Variants in ADRA1A observed in about 807,000 individuals in gnomAD.
The protein encoded by ADRA1A is adrenoceptor alpha 1A.
A neutral mutation model predicts 29.6 loss-of-function variants in ADRA1A; 31 were observed. The ratio of observed to expected loss-of-function variants is 1.05; its 90% CI spans 0.79 to 1.41. The LOEUF (loss-of-function observed/expected upper bound fraction) is 1.41. Ranked by LOEUF, ADRA1A falls within the 40% of genes most tolerant of loss-of-function variation. The probability of loss-of-function intolerance (pLI) is 0.00; values close to 1 mark genes in which losing one functional copy is unlikely to be tolerated. For synonymous variants in ADRA1A, 311 were observed against 254.3 expected (o/e 1.22, Z -2.12); for missense variants, 619 against 601.1 (o/e 1.03, Z -0.31).
rs369356439 is a variant in ADRA1A at position 26,864,370 on chromosome 8, G to A, written c.600C>T (p.Ile200=). The A allele has an allele frequency of 6.2e-7, 1 of 1,613,992 alleles. No homozygotes were observed. The highest frequency in any genetic ancestry group is 8.5e-7 in the Non-Finnish European group (1 of 1,180,022). Residue 200 remains isoleucine (I), a synonymous_variant, in exon 2 of 3, where the codon ATC becomes ATT. Transcript: ENST00000380573. This position sits in a 1 kb window ranked among gnomAD's most constrained non-coding sequence, Gnocchi z 8.1. ...CGTAGACGCGGCAGTACATGACCAGGATGATGGCCAGAGGCAGGTAGAAGG... is the reference window on the plus strand; with the variant it reads ...CGTAGACGCGGCAGTACATGACCAGAATGATGGCCAGAGGCAGGTAGAAGG... The part of the protein sequence containing the change: ...LGSFYLPLAI[I]LVMYCRVYVV...
At position 26,842,866 on chromosome 8, in the gene ADRA1A, T is replaced by TACACACACACAC. The variant is rs57750998; in HGVS notation, c.883+21209_883+21220dup. On this transcript the variant is annotated intron_variant, in intron 2 of 2. Coordinates refer to ENST00000380573, the MANE Select transcript of ADRA1A (RefSeq NM_000680.4). ...CTCTCTCTCTCCCTCTCTCTCTTTC[T>TACACACACACAC]ACACACACACACACACACACACACA... Among the ~76,000 whole-genome samples, 118 of 142,748 alleles carry TACACACACACAC rather than the reference T, an allele frequency of 8.3e-4. 2 individuals are homozygous for TACACACACACAC. The highest frequency in any genetic ancestry group is 1.1e-3 in the African/African-American group (41 of 37,986). The allele number at this position is 142,748 out of a possible 152,430, so 93.6% of individuals were successfully genotyped here.
intron 2 of ADRA1A, among the ~76,000 whole-genome samples, chr8:26,774,896 T>G (rs1806431831): frequency 6.6e-6 from 1 of 152,222 alleles, no homozygotes; most frequent in South Asian, 2.1e-4. Flanking sequence ...AGTTCTATCC[T>G]CAGCCTCCAT....
At chr8:26,766,159 C>T, downstream of ADRA1A, 1 of 1,557,408 alleles carries the variant, frequency 6.4e-7, no homozygotes. Flanking sequence ...TCTGTCCAAA[C>T]AAAAAAAAAG....
rs1184705232 is a variant in ADRA1A at position 26,770,039 on chromosome 8, G to T, written c.*110C>A. The T allele has an allele frequency of 3.4e-6, 5 of 1,481,276 alleles. No homozygotes were observed. The highest frequency in any genetic ancestry group is 2.8e-5 in the African/African-American group (2 of 71,324). 91.8% of individuals were successfully genotyped at this position (1,481,276 alleles called of 1,614,324 possible). A position where few individuals can be genotyped will look rare whatever the true frequency, so the allele number is the denominator to read the frequency against. ...CTACCACCCACCCCATTCCCAGCAG[G>T]TCCCCTCTTTGATTGGTCCTGTCTT... is the stretch of plus-strand genomic sequence containing the variant. On this transcript the variant is annotated 3_prime_UTR_variant, in exon 3 of 3. Transcript: ENST00000380573.
exon 3 of ADRA1A, chr8:26,748,487 TC>T: frequency 3.9e-6 from 1 of 259,046 alleles, no homozygotes; most frequent in Admixed American, 5.1e-5. Context: ...ACGCCTGTAA[TC>T]CCAGCACTTT....
exon 3 of ADRA1A, chr8:26,748,173 T>C (rs957308010): frequency 6.6e-6 from 1 of 152,224 alleles, no homozygotes; most frequent in African/African-American, 2.4e-5. Context: ...GGGCTGGGTG[T>C]CTATGGGAAG....
chr8:26,799,207 G>T (rs559511555), intron 2 of ADRA1A, among the ~76,000 whole-genome samples: 19 of 152,296 alleles, frequency 1.2e-4, no homozygotes, highest in African/African-American at 3.8e-4. Flanking sequence ...TGAAGTCCTT[G>T]TTTTTAAGCA....
chr8:26,853,068 A>G (rs1425286622), intron 2 of ADRA1A, among the ~76,000 whole-genome samples: 1 of 152,214 alleles, frequency 6.6e-6, no homozygotes, highest in Non-Finnish European at 1.5e-5. Context: ...GGATATCAAT[A>G]AAGCAAATGT....
chr8:26,791,312 T>C (rs1807815308), intron 2 of ADRA1A, among the ~76,000 whole-genome samples: 1 of 152,194 alleles, frequency 6.6e-6, no homozygotes, highest in Non-Finnish European at 1.5e-5. Flanking sequence ...GAGTATTTTC[T>C]TAAGTTACAT....
At chr8:26,767,025 T>C (rs1369767305), downstream of ADRA1A, among the ~76,000 whole-genome samples, 1 of 152,116 alleles carries the variant, frequency 6.6e-6, no homozygotes, top group African/African-American at 2.4e-5. Flanking sequence ...ATGAGTAAAA[T>C]GCTTTTCTGA....
chr8:26,765,921 A>C, downstream of ADRA1A: 1 of 1,471,526 alleles, frequency 6.8e-7, no homozygotes, highest in African/African-American at 1.4e-5. Context: ...CTTAACCATG[A>C]AACCTACTGG....
Position 26,864,118 on chromosome 8 carries a change from G to T in ADRA1A, c.852C>A (p.Cys284Ter). 6.2e-7 allele frequency: 1 copy of T among 1,614,050 alleles called. No homozygotes were observed. Among genetic ancestry groups the T allele is most frequent in the Non-Finnish European group, 8.5e-7 (1 of 1,179,998 alleles). ...GCATGACTAAGAAAAAAGGCAGCCA[G>T]CAGAGGACGAAGCAGCCGACCACGA... ...LGIVVGCFVLCWLPFFLVMPI... is the reference protein window; with the variant it reads ...LGIVVGCFVL The change falls in exon 2 of 3, where the codon TGC (cysteine) becomes TGA (stop). Residue 284 changes from cysteine to a stop codon, truncating the protein, a stop_gained. Coordinates refer to ENST00000380573, the MANE Select transcript of ADRA1A (RefSeq NM_000680.4). LOFTEE classifies it high-confidence loss of function. This position sits in a 1 kb window ranked among gnomAD's most constrained non-coding sequence, Gnocchi z 8.1.
chr8:26,823,289 C>T lies in ADRA1A; in HGVS notation c.883+40798G>A, dbSNP rs1250846002. 2.0e-5 allele frequency among the ~76,000 whole-genome samples: 3 copies of T among 152,114 alleles called. No homozygotes were observed. Among genetic ancestry groups the T allele is most frequent in the Admixed American group, 1.3e-4 (2 of 15,272 alleles). On this transcript the variant is annotated intron_variant, in intron 2 of 2. Coordinates refer to ENST00000380573, the MANE Select transcript of ADRA1A (RefSeq NM_000680.4). The surrounding 1 kb of genome is among the most constrained non-coding windows in gnomAD (Gnocchi z 4.2). The stretch of plus-strand genomic sequence containing the variant: ...ATAGTGTCTGCCTTCCACACTGTCA[C>T]GTGCTGGGGGCTGGGCATGGGCGGT...
chr8:26,854,541 T>A (rs1585844785), intron 2 of ADRA1A: 1 of 150,252 alleles, frequency 6.7e-6, no homozygotes. Context: ...GGGTAGAGAG[T>A]GTGGTGTGGA....
chr8:26,795,933 A>G (rs1409075541), intron 2 of ADRA1A, among the ~76,000 whole-genome samples: 4 of 152,158 alleles, frequency 2.6e-5, no homozygotes, highest in Non-Finnish European at 5.9e-5. Flanking sequence ...CATTCATACT[A>G]TATGGACCTG....
intron 2 of ADRA1A, among the ~76,000 whole-genome samples, chr8:26,792,001 C>T (rs536459543): frequency 9.9e-5 from 15 of 152,224 alleles, no homozygotes; most frequent in African/African-American, 3.4e-4. Flanking sequence ...GTCTGTTTCA[C>T]TTATGAAATG....
rs1813960628 is a variant in ADRA1A at position 26,867,187 on chromosome 8, A to T, written c.-938T>A. On this transcript the variant is annotated 5_prime_UTR_variant, in exon 1 of 3. Transcript: ENST00000380573. The stretch of plus-strand genomic sequence containing the variant: ...AAGAAAAGAAAAAAAAATGCAGATA[A>T]CCGGTAACTCCACAATCACCCTTTT... 1.0e-6 allele frequency: 1 copy of T among 985,356 alleles called. No homozygotes were observed. The highest frequency in any genetic ancestry group is 1.2e-6 in the Non-Finnish European group (1 of 829,952). The allele number at this position is 985,356 out of a possible 1,614,324, so 61.0% of individuals were successfully genotyped here. A position where few individuals can be genotyped will look rare whatever the true frequency, so the allele number is the denominator to read the frequency against.
chr8:26,823,959 A>G lies in ADRA1A; in HGVS notation c.883+40128T>C, dbSNP rs915705279. 6.6e-6 allele frequency among the ~76,000 whole-genome samples: 1 copy of G among 152,108 alleles called. No individual in the cohort carries two copies. The highest frequency in any genetic ancestry group is 1.5e-5 in the Non-Finnish European group (1 of 68,026). ...ACTCTGGGCTCATTTAGAAGAAAGT[A>G]TTGCCCTGGGCTGGAAAATGGAGTG... On this transcript the variant is annotated intron_variant, in intron 2 of 2. Coordinates refer to ENST00000380573, the MANE Select transcript of ADRA1A (RefSeq NM_000680.4). The surrounding 1 kb of genome is among the most constrained non-coding windows in gnomAD (Gnocchi z 4.2).
downstream of ADRA1A, among the ~76,000 whole-genome samples, chr8:26,761,030 C>T (rs1167836100): frequency 1.3e-5 from 2 of 152,232 alleles, no homozygotes; most frequent in Non-Finnish European, 2.9e-5. Flanking sequence ...TGCTTAGGGG[C>T]TGGAGTACTG....
Sources: gnomAD v4.1 joint callset for allele counts (sites outside exome capture counted in the v4.1 genomes callset) on GRCh38, gnomAD v4.1.1 for gene constraint, Gnocchi (gnomAD v3.1) non-coding constraint, MANE v1.5 for transcripts, NCBI Gene and HGNC (gene_info 2026-07-23, HGNC 2026-07-21) for gene names.